RALYL: variants seen among roughly 807,000 people sequenced by gnomAD.
The protein encoded by RALYL is RNA-binding Raly-like protein.
RALYL carries 29 observed loss-of-function variants against 35.1 expected under a neutral mutation model. The ratio of observed to expected loss-of-function variants is 0.83; its 90% confidence interval spans 0.61 to 1.13. The LOEUF (loss-of-function observed/expected upper bound fraction) is 1.13. Among genes scored for constraint, RALYL ranks in the 50% most tolerant of loss-of-function variants. The pLI is 0.00. For missense variants in RALYL, 359 were observed against 360.4 expected (o/e 1.00, Z 0.03); for synonymous variants, 120 against 127.6 (o/e 0.94, Z 0.40).
chr8:84,453,419 G>A (rs2049745486), intron 1 of RALYL, among the ~76,000 whole-genome samples: 1 of 151,934 alleles, frequency 6.6e-6, no homozygotes, highest in South Asian at 2.1e-4. Context: ...ATTTTATCAT[G>A]CAATTGATTT....
At chr8:84,907,549 A>G (rs1326378909) in intron 8 of RALYL, among the ~76,000 whole-genome samples, 1 of 152,096 alleles carries the variant, frequency 6.6e-6, no homozygotes, top group Non-Finnish European at 1.5e-5. Flanking sequence ...TAACTTCCCC[A>G]AGCTCACACT....
At chr8:84,500,738 C>T (rs711033) in intron 1 of RALYL, among the ~76,000 whole-genome samples, 82,310 of 151,872 alleles carry the variant, frequency 0.54, 22,419 homozygotes, top group East Asian at 0.66. Flanking sequence ...TAATGACTGG[C>T]CTCACTAATG....
chr8:84,890,514 A>G (rs1843638766), intron 8 of RALYL, among the ~76,000 whole-genome samples: 1 of 152,198 alleles, frequency 6.6e-6, no homozygotes. Flanking sequence ...ATAGAGTAGT[A>G]TTTTGCAAAC....
At chr8:84,626,595 T>C (rs1822779643) in intron 2 of RALYL, among the ~76,000 whole-genome samples, 1 of 152,184 alleles carries the variant, frequency 6.6e-6, no homozygotes, top group Non-Finnish European at 1.5e-5. Flanking sequence ...CTTCAGATTA[T>C]TTAAAATGAA....
intron 2 of RALYL, among the ~76,000 whole-genome samples, chr8:84,754,873 G>A (rs2133270930): frequency 6.6e-6 from 1 of 152,252 alleles, no homozygotes; most frequent in East Asian, 1.9e-4. Flanking sequence ...TCTTCTAAGT[G>A]TTTTACACAT....
intron 1 of RALYL, among the ~76,000 whole-genome samples, chr8:84,255,132 G>A (rs1586579580): frequency 6.6e-6 from 1 of 152,168 alleles, no homozygotes; most frequent in Middle Eastern, 3.4e-3. Flanking sequence ...TAAACTGAAA[G>A]TCTTAATTAT....
intron 4 of RALYL, among the ~76,000 whole-genome samples, chr8:84,844,600 C>A (rs1011365704): frequency 1.3e-4 from 20 of 152,286 alleles, no homozygotes; most frequent in African/African-American, 4.6e-4. Context: ...ACCATTTGAC[C>A]CAGCCATCCC....
intron 1 of RALYL, among the ~76,000 whole-genome samples, chr8:84,431,179 A>G (rs1244799674): frequency 2.0e-5 from 3 of 152,096 alleles, no homozygotes; most frequent in Non-Finnish European, 4.4e-5. Context: ...AACAGCCTAT[A>G]AGGTTTTACT....
chr8:84,663,183 A>C (rs181729951), intron 2 of RALYL, among the ~76,000 whole-genome samples: 59 of 152,310 alleles, frequency 3.9e-4, no homozygotes, highest in African/African-American at 1.3e-3. Context: ...TTATGGCTGC[A>C]TACTATTCCA....
chr8:84,830,021 G>C (rs903669160), intron 4 of RALYL, among the ~76,000 whole-genome samples: 2 of 141,038 alleles, frequency 1.4e-5, no homozygotes, highest in Non-Finnish European at 3.1e-5. Flanking sequence ...TATACTGGGG[G>C]GGGGGGGGCA....
At chr8:84,772,398 T>C (rs1026281670) in intron 2 of RALYL, among the ~76,000 whole-genome samples, 40 of 152,234 alleles carry the variant, frequency 2.6e-4, no homozygotes, top group African/African-American at 8.9e-4. Context: ...ATAAAAAATA[T>C]TGGGGATTTT....
intron 1 of RALYL, among the ~76,000 whole-genome samples, chr8:84,274,455 C>G (rs560360124): frequency 2.6e-5 from 4 of 152,154 alleles, no homozygotes; most frequent in African/African-American, 9.6e-5. Flanking sequence ...TGCCCTGAAA[C>G]TAAGTTATTC....
chr8:84,751,000 G>A (rs1809845299), intron 2 of RALYL, among the ~76,000 whole-genome samples: 1 of 152,164 alleles, frequency 6.6e-6, no homozygotes, highest in South Asian at 2.1e-4. Flanking sequence ...GAAAGAAAGT[G>A]ACTATAGTCA....
intron 2 of RALYL, among the ~76,000 whole-genome samples, chr8:84,596,482 A>T (rs1814567560): frequency 6.6e-6 from 1 of 152,154 alleles, no homozygotes; most frequent in African/African-American, 2.4e-5. Context: ...TGTCCAGCAA[A>T]TAATCCCTTC....
At chr8:84,900,974 G>T (rs1169740896) in intron 8 of RALYL, among the ~76,000 whole-genome samples, 2 of 152,164 alleles carry the variant, frequency 1.3e-5, no homozygotes, top group African/African-American at 4.8e-5. Flanking sequence ...GGTAGAGGAA[G>T]GTGGGTCAGT....
At chr8:84,423,267 CTCT>C (rs1324837796) in intron 1 of RALYL, among the ~76,000 whole-genome samples, 5 of 151,568 alleles carry the variant, frequency 3.3e-5, no homozygotes, top group Admixed American at 3.3e-4. Context: ...GGATAGTTAG[CTCT>C]TCTTGTTGAA....
intron 2 of RALYL, among the ~76,000 whole-genome samples, chr8:84,569,266 G>T (rs933278192): frequency 6.6e-6 from 1 of 151,940 alleles, no homozygotes; most frequent in African/African-American, 2.4e-5. Flanking sequence ...TTCTACATAT[G>T]GCTAGCCAGT....
At chr8:84,428,091 C>A (rs867451004) in intron 1 of RALYL, among the ~76,000 whole-genome samples, 7 of 130,908 alleles carry the variant, frequency 5.3e-5, no homozygotes, top group Middle Eastern at 3.8e-3. Context: ...CTCTCTCTCT[C>A]TCTCTCTCTC....
chr8:84,209,279 C>CG (rs760298968), intron 1 of RALYL, among the ~76,000 whole-genome samples: 225 of 152,202 alleles, frequency 1.5e-3, no homozygotes, highest in Middle Eastern at 3.4e-3. Flanking sequence ...TTGAACAAAA[C>CG]ATAAGTGCTG....
Sources: allele counts gnomAD v4.1 joint callset (sites outside exome capture counted in the v4.1 genomes callset), GRCh38; gene constraint gnomAD v4.1.1; transcripts MANE v1.5; gene names NCBI Gene and HGNC (gene_info 2026-07-23, HGNC 2026-07-21).